The following ATF7IP2 variants were observed in gnomAD, a reference collection of about 807,000 sequenced individuals.
ATF7IP2 encodes the protein activating transcription factor 7-interacting protein 2.
ATF7IP2 carries 42 observed loss-of-function variants against 64.2 expected under a neutral mutation model. The observed-to-expected ratio is 0.65, with a 90% CI of 0.51 to 0.85. The LOEUF (loss-of-function observed/expected upper bound fraction) is 0.85, where lower values mean the gene tolerates loss of function less well. Ranked by LOEUF, ATF7IP2 falls within the 40% of genes least tolerant of loss-of-function variation. The pLI is 0.00. For missense variants in ATF7IP2, 933 were observed against 784.2 expected, an observed-to-expected ratio of 1.19 and a Z score of -2.27; for synonymous variants, 308 against 272.8, an observed-to-expected ratio of 1.13 and a Z score of -1.27.
intron 1 of ATF7IP2, among the ~76,000 whole-genome samples, chr16:10,404,021 ATAAT>A (rs1224307678): frequency 2.6e-5 from 4 of 152,232 alleles, no homozygotes; most frequent in African/African-American, 9.6e-5. Context: ...TTTTCAGGAA[ATAAT>A]TAATGAAAAC....
chr16:10,458,007 T>G (rs886481623), intron 9 of ATF7IP2, among the ~76,000 whole-genome samples: 1 of 152,240 alleles, frequency 6.6e-6, no homozygotes, highest in Non-Finnish European at 1.5e-5. Flanking sequence ...CCACTGCGCC[T>G]GGCCCTATAC....
chr16:10,417,358 A>G (rs1308565678), intron 2 of ATF7IP2, among the ~76,000 whole-genome samples: 1 of 152,188 alleles, frequency 6.6e-6, no homozygotes, highest in Non-Finnish European at 1.5e-5. Flanking sequence ...GGTAAGACAC[A>G]TTTAGACTCA....
intron 8 of ATF7IP2, chr16:10,449,648 G>C (rs2048921368): frequency 6.6e-6 from 1 of 152,154 alleles, no homozygotes; most frequent in African/African-American, 2.4e-5. Context: ...GATCAGTGGT[G>C]ATATCCCCTT....
chr16:10,428,780 C>T (rs544926635), intron 3 of ATF7IP2, 88 bp from the exon 4 acceptor site: 3 of 152,230 alleles, frequency 2.0e-5, no homozygotes, highest in South Asian at 2.1e-4. Context: ...CATCAATTTC[C>T]AGTCAAAACA....
intron 10 of ATF7IP2, among the ~76,000 whole-genome samples, chr16:10,472,833 G>A (rs1411595014): frequency 1.4e-5 from 2 of 138,240 alleles, no homozygotes; most frequent in Non-Finnish European, 3.0e-5. Context: ...TCCAGCCTGG[G>A]CAAAACAGCA....
intron 4 of ATF7IP2, 84 bp from the exon 5 acceptor site, chr16:10,430,527 T>C (rs2048208958): frequency 2.7e-6 from 2 of 754,276 alleles, no homozygotes; most frequent in Admixed American, 3.0e-5. Flanking sequence ...TATTTTAATA[T>C]TGTAAATAAA....
chr16:10,437,614 TA>T (rs1311685685), intron 6 of ATF7IP2, among the ~76,000 whole-genome samples: 1 of 152,180 alleles, frequency 6.6e-6, no homozygotes, highest in African/African-American at 2.4e-5. Flanking sequence ...TGTGACTGAC[TA>T]AAGGGTCAAG....
chr16:10,424,668 AT>A (rs2048049202), intron 3 of ATF7IP2, among the ~76,000 whole-genome samples: 1 of 152,208 alleles, frequency 6.6e-6, no homozygotes, highest in Non-Finnish European at 1.5e-5. Flanking sequence ...CAGTTTTTAA[AT>A]TCTCAAAGAA....
chr16:10,468,382 T>C (rs570361205), intron 9 of ATF7IP2, among the ~76,000 whole-genome samples: 1 of 152,324 alleles, frequency 6.6e-6, no homozygotes, highest in Admixed American at 6.5e-5. Flanking sequence ...AGTCAACAGC[T>C]ACAGGAACTG....
At chr16:10,422,861 T>C (rs1359536940) in intron 3 of ATF7IP2, among the ~76,000 whole-genome samples, 1 of 152,250 alleles carries the variant, frequency 6.6e-6, no homozygotes, top group Non-Finnish European at 1.5e-5. Context: ...CTGGCTCTGC[T>C]TTCCAGGGAA....
intron 2 of ATF7IP2, among the ~76,000 whole-genome samples, chr16:10,414,873 T>C (rs1177802072): frequency 1.3e-5 from 2 of 152,150 alleles, no homozygotes; most frequent in Non-Finnish European, 2.9e-5. Flanking sequence ...AGCTGAGCTG[T>C]AGTGATTGTT....
At chr16:10,390,857 C>T (rs144262629) in intron 1 of ATF7IP2, among the ~76,000 whole-genome samples, 62 of 152,228 alleles carry the variant, frequency 4.1e-4, no homozygotes, top group Middle Eastern at 3.4e-3. Context: ...AACAGCAAAG[C>T]AAACGCAAAG....
intron 8 of ATF7IP2, among the ~76,000 whole-genome samples, chr16:10,451,173 C>CAG (rs908961975): frequency 6.6e-6 from 1 of 152,206 alleles, no homozygotes; most frequent in African/African-American, 2.4e-5. Context: ...AGGGTTTCTG[C>CAG]AGAGAGAGCT....
intron 1 of ATF7IP2, among the ~76,000 whole-genome samples, chr16:10,403,029 T>C (rs575285304): frequency 1.3e-5 from 2 of 152,278 alleles, no homozygotes; most frequent in South Asian, 2.1e-4. Context: ...GTTCATTTGG[T>C]TTAAAGTTCA....
At chr16:10,407,900 G>C (rs2047675315) in intron 1 of ATF7IP2, among the ~76,000 whole-genome samples, 1 of 150,634 alleles carries the variant, frequency 6.6e-6, no homozygotes, top group Non-Finnish European at 1.5e-5. Flanking sequence ...TTCTACTCTT[G>C]AGTTACTTCT....
At chr16:10,405,215 C>CA (rs1238782906) in intron 1 of ATF7IP2, among the ~76,000 whole-genome samples, 3 of 150,800 alleles carry the variant, frequency 2.0e-5, no homozygotes, top group Non-Finnish European at 4.4e-5. Flanking sequence ...AAAAAAAATA[C>CA]AAAAAATTAG....
In ATF7IP2 at chr16:10,428,943, A is replaced by G. The variant is rs1385711686; in HGVS notation, c.-84A>G. 1 of 151,916 alleles carries G rather than the reference A, an allele frequency of 6.6e-6. No homozygotes were observed. The highest frequency in any genetic ancestry group is 1.5e-5 in the Non-Finnish European group (1 of 68,002). The allele number at this position is 151,916 out of a possible 1,614,324, so 9.4% of individuals were successfully genotyped here. A position where few individuals can be genotyped will look rare whatever the true frequency, so the allele number is the denominator to read the frequency against. On this transcript the variant is annotated 5_prime_UTR_variant, in exon 4 of 14. Transcript: ENST00000562102. Reference sequence around the variant, plus strand: ...TGCTGGAGTGCAGTGGTGCAATCACAGATCACGGCAGTGTCTAATTCCTGG... The same window carrying G: ...TGCTGGAGTGCAGTGGTGCAATCACGGATCACGGCAGTGTCTAATTCCTGG...
rs564331790 is a variant in ATF7IP2, at chr16:10,430,788, T to G, written c.168T>G (p.Ser56Arg). The change falls in exon 5 of 14, where the codon AGT becomes AGG. Residue 56 changes from serine (S) to arginine (R), a missense_variant. By Grantham distance (110) the Ser-to-Arg change is moderately radical. Coordinates refer to ENST00000562102, the MANE Select transcript of ATF7IP2 (RefSeq NM_001393719.1). ...VPSGNQSFSP[S>R]VITRTTEITK... ...GCGGTAATCAGAGTTTCAGTCCTAG[T>G]GTCATAACTAGGACGACTGAAATAA... 1 of 1,562,730 alleles carries G rather than the reference T, an allele frequency of 6.4e-7. No individual in the cohort carries two copies. Among genetic ancestry groups the G allele is most frequent in the Non-Finnish European group, 8.6e-7 (1 of 1,156,638 alleles).
At chr16:10,437,535 T>C (rs1304252320) in intron 6 of ATF7IP2, among the ~76,000 whole-genome samples, 4 of 152,228 alleles carry the variant, frequency 2.6e-5, no homozygotes, top group African/African-American at 9.6e-5. Flanking sequence ...ATCCTTTGAG[T>C]ATCACTTGTT....
Sources: gnomAD v4.1 joint callset for allele counts (sites outside exome capture counted in the v4.1 genomes callset) on GRCh38, gnomAD v4.1.1 for gene constraint, MANE v1.5 for transcripts, NCBI Gene and HGNC (gene_info 2026-07-23, HGNC 2026-07-21) for gene names.